STK31: variants seen among roughly 807,000 people sequenced by gnomAD.
STK31 encodes serine/threonine-protein kinase 31.
Under a neutral mutation model 129.7 loss-of-function variants are expected in STK31, and 89 were observed. The ratio of observed to expected loss-of-function variants is 0.69; its 90% CI spans 0.58 to 0.82. The LOEUF is 0.82. Among genes scored for constraint, STK31 ranks in the 40% least tolerant of loss-of-function variants. The probability of loss-of-function intolerance (pLI) is 0.00; values close to 1 mark genes in which losing one functional copy is unlikely to be tolerated. For synonymous variants in STK31, 448 were observed against 395.3 expected, an observed-to-expected ratio of 1.13 and a Z score of -1.58; for missense variants, 1,187 against 1,176.4, an observed-to-expected ratio of 1.01 and a Z score of -0.13.
chr7:23,805,341 G>T, intron 22 of STK31, among the ~76,000 whole-genome samples: 1 of 152,146 alleles, frequency 6.6e-6, no homozygotes, highest in East Asian at 1.9e-4. Context: ...CTCCCAAAGT[G>T]TTAGGATTAC....
chr7:23,736,593 G>C (rs1787732445), intron 7 of STK31, among the ~76,000 whole-genome samples: 1 of 128,280 alleles, frequency 7.8e-6, no homozygotes, highest in Non-Finnish European at 1.7e-5. Flanking sequence ...ACGGGGGGGG[G>C]ATCACAGGAG....
intron 15 of STK31, among the ~76,000 whole-genome samples, chr7:23,772,981 GTTTTA>G (rs1209553158): frequency 6.6e-6 from 1 of 151,998 alleles, no homozygotes; most frequent in Admixed American, 6.6e-5. Context: ...GAACTTTCTA[GTTTTA>G]TTCTATTCTG....
chr7:23,821,534 T>C (rs1274642831), intron 23 of STK31, among the ~76,000 whole-genome samples: 1 of 152,210 alleles, frequency 6.6e-6, no homozygotes, highest in Non-Finnish European at 1.5e-5. Flanking sequence ...GAGTTTCTTG[T>C]ATATTCTGGA....
chr7:23,808,970 T>TGTGTGTGTGTGTGTGTGTGTGTGCGTGC (rs60631283), intron 22 of STK31, among the ~76,000 whole-genome samples: 1 of 139,556 alleles, frequency 7.2e-6, no homozygotes, highest in Admixed American at 7.5e-5. Context: ...TGTGTGTGTG[T>TGTGTGTGTGTGTGTGTGTGTGTGCGTGC]GCCTGTGTCT....
chr7:23,756,685 G>A lies in STK31; in HGVS notation c.1293+2211G>A, dbSNP rs147608046. Among the ~76,000 whole-genome samples, 496 of 152,286 alleles carry A rather than the reference G, an allele frequency of 3.3e-3. 5 individuals carry two copies. The highest frequency in any genetic ancestry group is 0.011 in the African/African-American group (452 of 41,568). ...GTTCCGTCAATACTTAGTTTACTGA[G>A]AGTTTTTAACATGAAGGCATGTTGA... On this transcript the variant is annotated intron_variant, in intron 10 of 23. Transcript: ENST00000355870.
chr7:23,711,585 T>C (rs1197479464), intron 1 of STK31, among the ~76,000 whole-genome samples: 3 of 152,200 alleles, frequency 2.0e-5, no homozygotes, highest in Non-Finnish European at 4.4e-5. Context: ...ATTATGTAAT[T>C]AAAATTATTT....
chr7:23,748,773 A>ATGTTAT (rs1788508901), intron 8 of STK31, among the ~76,000 whole-genome samples: 1 of 152,192 alleles, frequency 6.6e-6, no homozygotes, highest in South Asian at 2.1e-4. Flanking sequence ...TAACATACAG[A>ATGTTAT]ATACTTGCTA....
chr7:23,819,457 C>T (rs1793668733), intron 23 of STK31, among the ~76,000 whole-genome samples: 1 of 150,194 alleles, frequency 6.7e-6, no homozygotes, highest in South Asian at 2.1e-4. Context: ...GCTTGGTTGC[C>T]AAGGCTGAAG....
chr7:23,815,055 C>T, intron 22 of STK31, 89 bp from the exon 23 acceptor site: 2 of 897,838 alleles, frequency 2.2e-6, no homozygotes, highest in Non-Finnish European at 3.3e-6. Flanking sequence ...CTTTTCTAGT[C>T]ACCAGGATCT....
rs763030041 is a variant in STK31 at position 23,783,682 on chromosome 7, G to A, written c.2148+19G>A. 1 of 1,582,324 alleles carries A rather than the reference G, an allele frequency of 6.3e-7. No homozygotes were observed. The highest frequency in any genetic ancestry group is 8.6e-7 in the Non-Finnish European group (1 of 1,156,080). ...ATACATGGTAAACTTTGTTTCCCTTGCGAATTACTACTCTTCAGAGGGTGT... is the reference window on the plus strand; with the variant it reads ...ATACATGGTAAACTTTGTTTCCCTTACGAATTACTACTCTTCAGAGGGTGT... On this transcript the variant is annotated intron_variant, in intron 17 of 23. Transcript: ENST00000355870.
chr7:23,828,043 G>C (rs566778360), intron 23 of STK31, among the ~76,000 whole-genome samples: 1 of 152,176 alleles, frequency 6.6e-6, no homozygotes, highest in Admixed American at 6.5e-5. Context: ...CGGGAGTCAG[G>C]GACCCACTTG....
intron 13 of STK31, among the ~76,000 whole-genome samples, chr7:23,770,461 A>G (rs1311433427): frequency 6.6e-6 from 1 of 152,196 alleles, no homozygotes; most frequent in African/African-American, 2.4e-5. Flanking sequence ...AGTAGTTGTT[A>G]ACAGGTGATT....
chr7:23,727,379 G>T (rs1019015658), intron 5 of STK31, 64 bp downstream of exon 5: 36 of 1,460,780 alleles, frequency 2.5e-5, no homozygotes, highest in Non-Finnish European at 3.3e-5. Context: ...TCAAAAATTT[G>T]ATGCTTATTT....
chr7:23,753,867 G>T (rs1191516898), intron 9 of STK31, among the ~76,000 whole-genome samples: 1 of 152,054 alleles, frequency 6.6e-6, no homozygotes, highest in Non-Finnish European at 1.5e-5. Context: ...CTAAAAATAT[G>T]CCATAGGAAC....
intron 10 of STK31, among the ~76,000 whole-genome samples, chr7:23,756,737 A>G (rs901232503): frequency 2.0e-5 from 3 of 152,148 alleles, no homozygotes; most frequent in Admixed American, 2.0e-4. Context: ...TTCTGCATCT[A>G]TTGAGATAGT....
Position 23,771,045 on chromosome 7 carries a change from A to T in STK31, c.1754A>T (p.Tyr585Phe). The T allele has an allele frequency of 6.2e-7, 1 of 1,612,628 alleles. No homozygotes were observed. The highest frequency in any genetic ancestry group is 8.5e-7 in the Non-Finnish European group (1 of 1,179,228). The change falls in exon 14 of 24, where the codon TAT becomes TTT. Residue 585 changes from tyrosine to phenylalanine, a missense_variant. By Grantham distance (22) the Tyr-to-Phe change is conservative. Coordinates refer to ENST00000355870, the MANE Select transcript of STK31 (RefSeq NM_031414.5). ...GACAAGGAGATAATTTCAAATACAT[A>T]TAGTCAAGTACTGCAAAAGATTCAT... ...DADKEIISNT[Y>F]SQVLQKIHSE...
chr7:23,716,605 T>A (rs550929060), intron 3 of STK31, among the ~76,000 whole-genome samples: 1 of 152,218 alleles, frequency 6.6e-6, no homozygotes, highest in Non-Finnish European at 1.5e-5. Flanking sequence ...AGCTGTCTCT[T>A]CTCTGCCATT....
At chr7:23,746,769 A>G (rs1287769924) in intron 8 of STK31, among the ~76,000 whole-genome samples, 1 of 152,146 alleles carries the variant, frequency 6.6e-6, no homozygotes, top group Non-Finnish European at 1.5e-5. Flanking sequence ...CTTGTCTCAC[A>G]GGTGACAGAG....
At chr7:23,721,467 CCT>C in intron 4 of STK31, 4 of 1,068,718 alleles carry the variant, frequency 3.7e-6, no homozygotes, top group Non-Finnish European at 5.7e-6. Flanking sequence ...TTTTCATCCT[CCT>C]CTCTGTCCAG....
Sources: gnomAD v4.1 joint callset for allele counts (sites outside exome capture counted in the v4.1 genomes callset) on GRCh38, gnomAD v4.1.1 for gene constraint, MANE v1.5 for transcripts, NCBI Gene and HGNC (gene_info 2026-07-23, HGNC 2026-07-21) for gene names.